ANKLE2: variants seen among roughly 807,000 people sequenced by gnomAD.
ANKLE2 encodes ankyrin repeat and LEM domain-containing protein 2.
ANKLE2 carries 55 observed loss-of-function variants against 84.2 expected under a neutral mutation model. The ratio of observed to expected loss-of-function variants is 0.65; its 90% CI spans 0.53 to 0.82. The LOEUF (loss-of-function observed/expected upper bound fraction) is 0.82. Among genes scored for constraint, ANKLE2 ranks in the 40% least tolerant of loss-of-function variants. ANKLE2 has a pLI of 0.00. For synonymous variants in ANKLE2, 551 were observed against 486.1 expected (o/e 1.13, Z -1.76); for missense variants, 1,238 against 1,201.9 (o/e 1.03, Z -0.44).
In ANKLE2 at chr12:132,750,789, C is replaced by T. The variant is rs375763631; in HGVS notation, c.701G>A (p.Gly234Glu). 6.8e-6 allele frequency: 11 copies of T among 1,614,036 alleles called. No homozygotes were observed. The highest frequency in any genetic ancestry group is 9.3e-6 in the Non-Finnish European group (11 of 1,180,030). Reference sequence around the variant, plus strand: ...GGTAGAAAAAGCTTTAAATCGGGACCCTTTGATCATCTTGACAGCTTGCAA... The same window carrying T: ...GGTAGAAAAAGCTTTAAATCGGGACTCTTTGATCATCTTGACAGCTTGCAA... ...EALQAVKMIK[G>E]SRFKAFSTRE... The change falls in exon 3 of 13, where the codon GGG (glycine) becomes GAG (glutamate). Residue 234 changes from glycine to glutamate, a missense_variant. Around this residue, in one of 3 missense-constraint regions of ANKLE2, gnomAD observed 422 missense variants for 394.5 expected, o/e 1.07. Transcript: ENST00000357997.
At chr12:132,734,885 AC>A (rs2043976805) in intron 9 of ANKLE2, 3 of 363,300 alleles carry the variant, frequency 8.3e-6, no homozygotes, top group Non-Finnish European at 1.5e-5. Context: ...CCACAGACGG[AC>A]GTGTTCATGA....
intron 1 of ANKLE2, chr12:132,757,399 C>T (rs985578306): frequency 6.6e-6 from 1 of 152,306 alleles, no homozygotes; most frequent in Non-Finnish European, 1.5e-5. Context: ...AGAACAGCCA[C>T]AGGCCGCGTG....
chr12:132,752,657 C>T (rs1485485055), intron 2 of ANKLE2, among the ~76,000 whole-genome samples: 3 of 152,106 alleles, frequency 2.0e-5, no homozygotes, highest in Non-Finnish European at 4.4e-5. Flanking sequence ...GCGTGAGCCA[C>T]CGCGCCCGGC....
chr12:132,732,652 G>C (rs1409667872), intron 10 of ANKLE2, among the ~76,000 whole-genome samples: 54 of 66,466 alleles, frequency 8.1e-4, no homozygotes, highest in East Asian at 3.1e-3. Flanking sequence ...CGCTCTGCGT[G>C]CTGGTGTCTG....
chr12:132,741,902 C>T (rs529809249), intron 6 of ANKLE2: 39 of 454,568 alleles, frequency 8.6e-5, no homozygotes, highest in African/African-American at 5.0e-4. Context: ...CTAAGTAACA[C>T]GGAACATCAA....
At chr12:132,736,568 A>G (rs2044013243) in intron 8 of ANKLE2, among the ~76,000 whole-genome samples, 1 of 108,406 alleles carries the variant, frequency 9.2e-6, no homozygotes, top group South Asian at 2.9e-4. Flanking sequence ...CTACACCAGC[A>G]AGGTGCCTAG....
At chr12:132,728,007 G>A in intron 12 of ANKLE2, 25 bp downstream of exon 12, 1 of 1,578,458 alleles carries the variant, frequency 6.3e-7, no homozygotes, top group South Asian at 1.2e-5. Flanking sequence ...CCCTGCGGGT[G>A]ACAGGCTGTC....
At chr12:132,746,165 G>A (rs996990703) in intron 5 of ANKLE2, among the ~76,000 whole-genome samples, 1 of 152,046 alleles carries the variant, frequency 6.6e-6, no homozygotes, top group African/African-American at 2.4e-5. Flanking sequence ...TGGCTAACAC[G>A]GTGAAACCCC....
intron 12 of ANKLE2, 34 bp downstream of exon 12, chr12:132,727,998 C>T (rs777760662): frequency 3.9e-5 from 62 of 1,572,430 alleles, no homozygotes; most frequent in Non-Finnish European, 5.1e-5. Flanking sequence ...CAAAAGCTGC[C>T]CTGCGGGTGA....
At position 132,750,643 on chromosome 12, in the gene ANKLE2, C is replaced by G. The variant is rs1196617115; in HGVS notation, c.847G>C (p.Asp283His). The G allele has an allele frequency of 1.2e-6, 2 of 1,614,090 alleles. No individual in the cohort carries two copies. The highest frequency in any genetic ancestry group is 1.7e-6 in the Non-Finnish European group (2 of 1,179,966). ...AGATGTGAACGGCTGCATGATTTAC[C>G]TTTCAACCTGTCATTGCTAAAGAGT... ...APLFSNDRLK[D>H]GLCLSESETV... The change falls in exon 3 of 13, where the codon GAT becomes CAT. Residue 283 changes from aspartate to histidine, a missense_variant and splice_region_variant. This residue lies in a region of ANKLE2 where 422 missense variants were observed against 394.5 expected (regional missense o/e 1.07). Transcript: ENST00000357997.
intron 8 of ANKLE2, 152 bp downstream of exon 8, chr12:132,736,741 A>T: frequency 1.1e-6 from 1 of 890,726 alleles, no homozygotes. Flanking sequence ...TCTCATCACC[A>T]ATCACTGGTG....
In ANKLE2 at chr12:132,748,131, G is replaced by C. The variant is rs1021796834; in HGVS notation, c.1041+7C>G. 2.2e-5 allele frequency: 36 copies of C among 1,612,030 alleles called. No individual in the cohort carries two copies. The highest frequency in any genetic ancestry group is 3.0e-5 in the Non-Finnish European group (35 of 1,178,720). On this transcript the variant is annotated splice_region_variant and intron_variant, in intron 4 of 12. Transcript: ENST00000357997. Reference sequence around the variant, plus strand: ...CACACCTGCCCGAGGGAACCGCCGAGACCTACCTGCACGATAGTGGGGTTG... The same window carrying C: ...CACACCTGCCCGAGGGAACCGCCGACACCTACCTGCACGATAGTGGGGTTG...
rs1051149848 is a variant in ANKLE2, at chr12:132,743,093, G to C, written c.1353+61C>G. On this transcript the variant is annotated intron_variant, in intron 6 of 12. Transcript: ENST00000357997. This position sits in a 1 kb window ranked among gnomAD's most constrained non-coding sequence, Gnocchi z 4.1. ...TTCCCTGTGCCTGTGATCACAGACTGTAAATTTATATATTTCCATTTCTAA... is the reference window on the plus strand; with the variant it reads ...TTCCCTGTGCCTGTGATCACAGACTCTAAATTTATATATTTCCATTTCTAA... 1 of 1,494,836 alleles carries C rather than the reference G, an allele frequency of 6.7e-7. No homozygotes were observed. The highest frequency in any genetic ancestry group is 9.0e-7 in the Non-Finnish European group (1 of 1,109,110). 92.6% of individuals were successfully genotyped at this position (1,494,836 alleles called of 1,614,324 possible).
rs1322391749 is a variant in ANKLE2 at position 132,755,204 on chromosome 12, AG to A, written c.182-72del. ...CTGCTGAAGCTGGGTGATGGGTACTAGGGTTCATTATATAATGGCATCAGTT... is the reference window on the plus strand; with the variant it reads ...CTGCTGAAGCTGGGTGATGGGTACTAGGTTCATTATATAATGGCATCAGTT... On this transcript the variant is annotated intron_variant, in intron 1 of 12. Coordinates refer to ENST00000357997, the MANE Select transcript of ANKLE2 (RefSeq NM_015114.3). 1.5e-5 allele frequency: 20 copies of A among 1,345,482 alleles called. No individual in the cohort carries two copies. In the Admixed American group the frequency reaches 2.7e-4, roughly 18 times the overall value. 83.3% of individuals were successfully genotyped at this position (1,345,482 alleles called of 1,614,324 possible).
chr12:132,746,944 C>T (rs958002765), intron 5 of ANKLE2, among the ~76,000 whole-genome samples: 3 of 152,148 alleles, frequency 2.0e-5, no homozygotes, highest in African/African-American at 7.2e-5. Flanking sequence ...CTTTTGGGCT[C>T]CCAGGGGTGG....
rs115334843 is a variant in ANKLE2, at chr12:132,736,886, A to T, written c.1593+7T>A. ...CACCACTTCCAGAAGCTTCTACAGC[A>T]GCTCACCTTGGCTGGACTCAGGGGC... On this transcript the variant is annotated splice_region_variant and intron_variant, in intron 8 of 12. Transcript: ENST00000357997. 1.4e-3 allele frequency: 2,228 copies of T among 1,597,004 alleles called. 30 individuals are homozygous for T. In the African/African-American group the frequency reaches 0.027, roughly 19 times the overall value.
chr12:132,733,901 A>G (rs1396353789), intron 10 of ANKLE2: 1 of 453,174 alleles, frequency 2.2e-6, no homozygotes, highest in Non-Finnish European at 4.4e-6. Flanking sequence ...TAGATTTTGG[A>G]TAATGCAAAC....
At position 132,729,640 on chromosome 12, in the gene ANKLE2, G is replaced by C. The variant is rs201612741; in HGVS notation, c.2483+39C>G. On this transcript the variant is annotated intron_variant, in intron 11 of 12. Coordinates refer to ENST00000357997, the MANE Select transcript of ANKLE2 (RefSeq NM_015114.3). ...GGGAGGGGGAGGGGGGAGGGAAGGT[G>C]GGGAAGGAAAGTGAGTGCAGAGGGC... 2.4e-4 allele frequency: 261 copies of C among 1,109,480 alleles called. 2 individuals are homozygous for C. In the African/African-American group the frequency reaches 3.9e-3, roughly 17 times the overall value. The allele number at this position is 1,109,480 out of a possible 1,614,324, so 68.7% of individuals were successfully genotyped here.
At position 132,730,179 on chromosome 12, in the gene ANKLE2, G is replaced by A; in HGVS notation, c.1983C>T (p.Asn661=). The A allele has an allele frequency of 6.2e-7, 1 of 1,606,620 alleles. No individual in the cohort carries two copies. The highest frequency in any genetic ancestry group is 8.5e-7 in the Non-Finnish European group (1 of 1,175,922). Residue 661 remains asparagine, a synonymous_variant, in exon 11 of 13, where the codon AAC becomes AAT. Transcript: ENST00000357997. ...CAAAAGCACCGACTGTGGGCGGGCTGTTATTTCGAGCTGCATTTTGCCGAT... is the reference window on the plus strand; with the variant it reads ...CAAAAGCACCGACTGTGGGCGGGCTATTATTTCGAGCTGCATTTTGCCGAT... ...IKNRQNAARN[N]SPPTVGAFGH...
Sources: gnomAD v4.1 joint callset for allele counts (sites outside exome capture counted in the v4.1 genomes callset) on GRCh38, gnomAD v4.1.1 for gene constraint, gnomAD v4.1.1 regional missense constraint, Gnocchi (gnomAD v3.1) non-coding constraint, MANE v1.5 for transcripts, NCBI Gene and HGNC (gene_info 2026-07-23, HGNC 2026-07-21) for gene names.